The following YLPM1 variants were observed in gnomAD, a reference collection of about 807,000 sequenced individuals.
The protein encoded by YLPM1 is YLP motif-containing protein 1.
A neutral mutation model predicts 230.0 loss-of-function variants in YLPM1; 99 were observed. The ratio of observed to expected loss-of-function variants is 0.43; its 90% confidence interval spans 0.37 to 0.51. The LOEUF (loss-of-function observed/expected upper bound fraction) is 0.51, where lower values mean the gene tolerates loss of function less well. Among genes scored for constraint, YLPM1 ranks in the 20% least tolerant of loss-of-function variants. YLPM1 has a pLI of 0.00. For missense variants in YLPM1, 2,592 were observed against 2,707.7 expected, an observed-to-expected ratio of 0.96 and a Z score of 0.95; for synonymous variants, 984 against 942.5, an observed-to-expected ratio of 1.04 and a Z score of -0.81.
intron 4 of YLPM1, 41 bp from the exon 5 acceptor site, chr14:74,797,539 T>A (rs2091276697): frequency 7.2e-7 from 1 of 1,395,728 alleles, no homozygotes; most frequent in Admixed American, 3.1e-5. Flanking sequence ...TTTTTTTTTC[T>A]GCTTTACTGT....
intron 1 of YLPM1, among the ~76,000 whole-genome samples, chr14:74,767,339 A>G (rs1050348970): frequency 2.6e-5 from 4 of 152,176 alleles, no homozygotes; most frequent in African/African-American, 7.2e-5. Context: ...AAATACCCCA[A>G]ATTGACTCAA....
chr14:74,807,091 C>T (rs1352436550), intron 6 of YLPM1, among the ~76,000 whole-genome samples: 1 of 152,080 alleles, frequency 6.6e-6, no homozygotes, highest in Non-Finnish European at 1.5e-5. Context: ...AGCCATTTGT[C>T]TTTAACTGTA....
At chr14:74,814,588 C>T (rs2091462231) in intron 11 of YLPM1, among the ~76,000 whole-genome samples, 1 of 152,136 alleles carries the variant, frequency 6.6e-6, no homozygotes, top group Non-Finnish European at 1.5e-5. Flanking sequence ...ACTTGCATTC[C>T]TGGGATAAAT....
chr14:74,777,114 GAAT>G (rs1288061840), intron 1 of YLPM1, among the ~76,000 whole-genome samples: 1 of 151,804 alleles, frequency 6.6e-6, no homozygotes, highest in African/African-American at 2.4e-5. Context: ...CAGAATCCAA[GAAT>G]AATGAGGATT....
In YLPM1 at chr14:74,797,914, C is replaced by G. The variant is rs764652921; in HGVS notation, c.2617C>G (p.Gln873Glu). ...KEPLADTSSN[Q>E]QKNFKMQSAA... ...ACCATTAGCAGACACCAGTAGTAAC[C>G]AGCAGAAGAATTTTAAAATGCAATC... The change falls in exon 5 of 21, where the codon CAG becomes GAG. Residue 873 changes from glutamine (Q) to glutamate (E), a missense_variant. Gln to Glu is a conservative substitution (Grantham distance 29). This residue lies in a region of YLPM1 where 1,862 missense variants were observed against 1,819.8 expected (regional missense o/e 1.02). Coordinates refer to ENST00000325680, the MANE Select transcript of YLPM1 (RefSeq NM_019589.3). 2.9e-5 allele frequency: 46 copies of G among 1,613,824 alleles called. No individual in the cohort carries two copies. Among genetic ancestry groups the G allele is most frequent in the Non-Finnish European group, 3.6e-5 (42 of 1,179,884 alleles).
rs1197954952 is a variant in YLPM1, at chr14:74,797,773, A to G, written c.2476A>G (p.Thr826Ala). ...ATCTCAATTTTATATTACCCCCAGT[A>G]CATCCCTAAGTCCTCGACAGAGTGG... is the stretch of plus-strand genomic sequence containing the variant. The part of the protein sequence containing the change: ...PASQFYITPS[T>A]SLSPRQSGPQ... The change falls in exon 5 of 21, where the codon ACA becomes GCA. Residue 826 changes from threonine to alanine, a missense_variant. Thr to Ala is a moderately conservative substitution (Grantham distance 58, BLOSUM62 0). Coordinates refer to ENST00000325680, the MANE Select transcript of YLPM1 (RefSeq NM_019589.3). 11 of 1,613,780 alleles carry G rather than the reference A, an allele frequency of 6.8e-6. No individual in the cohort carries two copies. The Admixed American group carries it at 1.8e-4, about 27-fold the overall frequency.
chr14:74,815,100 C>G (rs1485179100), intron 11 of YLPM1, among the ~76,000 whole-genome samples: 2 of 152,312 alleles, frequency 1.3e-5, no homozygotes, highest in South Asian at 4.1e-4. Context: ...CAGAGTCTCA[C>G]TATTGCCCAG....
chr14:74,782,735 C>G (rs780176355), intron 4 of YLPM1, among the ~76,000 whole-genome samples: 7 of 152,140 alleles, frequency 4.6e-5, no homozygotes, highest in Non-Finnish European at 1.0e-4. Flanking sequence ...CAATATTCTA[C>G]TGGCTTGAGG....
chr14:74,763,682 C>A lies in YLPM1; in HGVS notation c.193C>A (p.Gln65Lys). The stretch of plus-strand genomic sequence containing the variant: ...GCACTTGGCGCAGCTCCAGCAGCTG[C>A]AGCAGATGCACCAGAAGCAAATGCA... ...EQHLAQLQQL[Q>K]QMHQKQMQCV... is the part of the protein sequence containing the mutation. The change falls in exon 1 of 21, where the codon CAG (glutamine) becomes AAG (lysine). Residue 65 changes from glutamine to lysine, a missense_variant. Coordinates refer to ENST00000325680, the MANE Select transcript of YLPM1 (RefSeq NM_019589.3). 6.4e-7 allele frequency: 1 copy of A among 1,573,300 alleles called. No homozygotes were observed. The highest frequency in any genetic ancestry group is 2.4e-5 in the East Asian group (1 of 42,400).
rs929216930 is a variant in YLPM1 at position 74,775,850 on chromosome 14, T to C, written c.874-2597T>C. On this transcript the variant is annotated intron_variant, in intron 1 of 20. Coordinates refer to ENST00000325680, the MANE Select transcript of YLPM1 (RefSeq NM_019589.3). Reference sequence around the variant, plus strand: ...AACCTTTGGTATTCAGGCCATTCTCTTTTATAGTTTTTACTGTAAAGTACT... The same window carrying C: ...AACCTTTGGTATTCAGGCCATTCTCCTTTATAGTTTTTACTGTAAAGTACT... Among the ~76,000 whole-genome samples the C allele has an allele frequency of 3.3e-5, 5 of 152,228 alleles. 1 individual carries two copies. The highest frequency in any genetic ancestry group is 3.3e-4 in the Admixed American group (5 of 15,286).
intron 5 of YLPM1, among the ~76,000 whole-genome samples, chr14:74,802,334 T>G (rs2091335699): frequency 6.6e-6 from 1 of 152,076 alleles, no homozygotes; most frequent in African/African-American, 2.4e-5. Context: ...TTCTTGAATA[T>G]CTTCAATAAT....
intron 1 of YLPM1, among the ~76,000 whole-genome samples, chr14:74,776,536 T>C (rs2091040907): frequency 6.6e-6 from 1 of 152,214 alleles, no homozygotes. Flanking sequence ...CTGGGGGCCA[T>C]TTTAAATAGT....
chr14:74,768,206 C>A (rs1238619323), intron 1 of YLPM1, among the ~76,000 whole-genome samples: 1 of 151,972 alleles, frequency 6.6e-6, no homozygotes, highest in Non-Finnish European at 1.5e-5. Flanking sequence ...CAGGTGTTTT[C>A]TAGTTTTTCG....
intron 20 of YLPM1, 137 bp downstream of exon 20, chr14:74,835,584 GTTGTTAACA>G: frequency 1.3e-6 from 1 of 750,902 alleles, no homozygotes; most frequent in Non-Finnish European, 2.1e-6. Flanking sequence ...GTATGTACTA[GTTGTTAACA>G]TTTACAATAC....
Position 74,780,910 on chromosome 14 carries a change from G to A in YLPM1, c.1290+326G>A, listed in dbSNP as rs184375401. Among the ~76,000 whole-genome samples, 261 of 152,218 alleles carry A rather than the reference G, an allele frequency of 1.7e-3. 3 individuals carry two copies. Among genetic ancestry groups the A allele is most frequent in the Middle Eastern group, 0.014 (4 of 294 alleles). On this transcript the variant is annotated intron_variant, in intron 3 of 20. Transcript: ENST00000325680. ...TACAACAGTAACAGATAAGCAAAGA[G>A]GCCAAAAACAGCCATCACAAAAAAC... is the stretch of plus-strand genomic sequence containing the variant.
intron 1 of YLPM1, among the ~76,000 whole-genome samples, chr14:74,766,688 G>A (rs1487028133): frequency 7.0e-6 from 1 of 142,106 alleles, no homozygotes; most frequent in East Asian, 2.1e-4. Context: ...ATGTTGCCCA[G>A]GCTGGTCTTG....
Position 74,799,677 on chromosome 14 carries a change from A to C in YLPM1, c.4380A>C (p.Ala1460=). ...QRQHEIILKA[A]QELKMLREQK... ...AGCATGAAATCATTTTGAAAGCTGC[A>C]CAAGAACTGAAAATGCTTCGGTAAG... The change falls in exon 5 of 21, where the codon GCA becomes GCC. Residue 1460 remains alanine, a synonymous_variant. Coordinates refer to ENST00000325680, the MANE Select transcript of YLPM1 (RefSeq NM_019589.3). The C allele has an allele frequency of 1.2e-6, 2 of 1,608,402 alleles. No individual in the cohort carries two copies. Among genetic ancestry groups the C allele is most frequent in the Non-Finnish European group, 1.7e-6 (2 of 1,175,734 alleles).
intron 16 of YLPM1, 53 bp from the exon 17 acceptor site, chr14:74,821,004 A>G: frequency 5.0e-6 from 7 of 1,394,232 alleles, no homozygotes; most frequent in African/African-American, 1.5e-5. Context: ...GGGAGTCAAT[A>G]TTTTGCTAAA....
At chr14:74,826,019 A>G (rs1179810194) in intron 18 of YLPM1, among the ~76,000 whole-genome samples, 2 of 152,252 alleles carry the variant, frequency 1.3e-5, no homozygotes, top group African/African-American at 4.8e-5. Context: ...TAAAGACAGA[A>G]TAGTAGACAA....
Sources: gnomAD v4.1 joint callset for allele counts (sites outside exome capture counted in the v4.1 genomes callset) on GRCh38, gnomAD v4.1.1 for gene constraint, gnomAD v4.1.1 regional missense constraint, MANE v1.5 for transcripts, NCBI Gene and HGNC (gene_info 2026-07-23, HGNC 2026-07-21) for gene names.